COL23A1: variants seen among roughly 807,000 people sequenced by gnomAD.
The protein encoded by COL23A1 is collagen type XXIII alpha 1 chain.
Under a neutral mutation model 99.3 loss-of-function variants are expected in COL23A1, and 97 were observed. The ratio of observed to expected loss-of-function variants is 0.98; its 90% confidence interval spans 0.83 to 1.16. The LOEUF (loss-of-function observed/expected upper bound fraction) is 1.16, where lower values mean the gene tolerates loss of function less well. Ranked by LOEUF, COL23A1 falls within the 50% of genes most tolerant of loss-of-function variation. COL23A1 has a pLI of 0.00. For missense variants in COL23A1, 762 were observed against 757.4 expected, an observed-to-expected ratio of 1.01 and a Z score of -0.07; for synonymous variants, 320 against 308.2, an observed-to-expected ratio of 1.04 and a Z score of -0.40.
intron 1 of COL23A1, chr5:178,562,736 T>TGTGGGGGGGG (rs1762653681): frequency 9.4e-6 from 1 of 106,826 alleles, no homozygotes. Context: ...TGGCTGGTGG[T>TGTGGGGGGGG]GGGGGGGGTG....
intron 2 of COL23A1, among the ~76,000 whole-genome samples, chr5:178,502,158 G>A (rs1758573357): frequency 6.6e-6 from 1 of 152,182 alleles, no homozygotes; most frequent in Non-Finnish European, 1.5e-5. Context: ...TTGAGATGGA[G>A]TCTCGCTCTG....
chr5:178,359,233 A>G (rs1487724954), intron 2 of COL23A1, among the ~76,000 whole-genome samples: 1 of 152,202 alleles, frequency 6.6e-6, no homozygotes, highest in African/African-American at 2.4e-5. Context: ...GAAATAAGAT[A>G]GTGAAGGGGG....
At chr5:178,379,116 A>T (rs1399434630) in intron 2 of COL23A1, among the ~76,000 whole-genome samples, 1 of 152,176 alleles carries the variant, frequency 6.6e-6, no homozygotes, top group Non-Finnish European at 1.5e-5. Context: ...CGTCAAGCTC[A>T]AAGGGTTTGG....
intron 2 of COL23A1, among the ~76,000 whole-genome samples, chr5:178,537,984 G>A (rs565911743): frequency 2.0e-4 from 31 of 152,328 alleles, no homozygotes; most frequent in Non-Finnish European, 3.8e-4. Context: ...CACAGTATCC[G>A]TCCTGTTGTG....
intron 1 of COL23A1, among the ~76,000 whole-genome samples, chr5:178,585,669 C>T (rs74983545): frequency 0.16 from 782 of 4,866 alleles, 8 homozygotes; most frequent in Middle Eastern, 0.3. Context: ...GGTAACACTC[C>T]ACAGCCCTGG....
At position 178,338,878 on chromosome 5, in the gene COL23A1, C is replaced by T. The variant is rs555183220; in HGVS notation, c.362-31959G>A. ...AATCTGTCTAAATTACATGTAAACC[C>T]GATGAGACTATCACAGCTGAATGAA... On this transcript the variant is annotated intron_variant, in intron 2 of 28. Coordinates refer to ENST00000390654, the MANE Select transcript of COL23A1 (RefSeq NM_173465.4). 1.3e-3 allele frequency among the ~76,000 whole-genome samples: 196 copies of T among 152,274 alleles called. 6 individuals carry two copies. The South Asian group carries it at 0.036, about 28-fold the overall frequency.
chr5:178,321,375 C>T (rs1298171753), intron 2 of COL23A1, among the ~76,000 whole-genome samples: 2 of 151,734 alleles, frequency 1.3e-5, no homozygotes, highest in South Asian at 2.1e-4. Flanking sequence ...GTATCTCATA[C>T]AAGCGGAGCT....
At chr5:178,460,821 T>TA (rs999488581) in intron 2 of COL23A1, among the ~76,000 whole-genome samples, 21 of 151,976 alleles carry the variant, frequency 1.4e-4, no homozygotes, top group Non-Finnish European at 2.5e-4. Flanking sequence ...TGGACAAAAA[T>TA]AAAAAAACAA....
intron 2 of COL23A1, among the ~76,000 whole-genome samples, chr5:178,476,534 A>G (rs1757038606): frequency 6.6e-6 from 1 of 152,208 alleles, no homozygotes; most frequent in Non-Finnish European, 1.5e-5. Context: ...ATACCGCATC[A>G]TATCCACGGA....
chr5:178,438,305 A>G (rs111435802), intron 2 of COL23A1, among the ~76,000 whole-genome samples: 25 of 152,364 alleles, frequency 1.6e-4, no homozygotes, highest in African/African-American at 5.8e-4. Flanking sequence ...TACATGAGCA[A>G]GAATGCCAAA....
At chr5:178,369,905 A>G (rs1430487782) in intron 2 of COL23A1, among the ~76,000 whole-genome samples, 1 of 152,242 alleles carries the variant, frequency 6.6e-6, no homozygotes, top group East Asian at 1.9e-4. Flanking sequence ...ACAAATGACC[A>G]TGCCACGGGC....
In COL23A1 at chr5:178,495,956, GAAAT is replaced by G. The variant is rs566192584; in HGVS notation, c.361+64722_361+64725del. ...GCCCAGAGAGGGAAGTAACTTTGCT[GAAAT>G]AAGTAAGTCTATGGTAAGTGGCAGA... On this transcript the variant is annotated intron_variant, in intron 2 of 28. Transcript: ENST00000390654. Among the ~76,000 whole-genome samples the G allele has an allele frequency of 4.1e-3, 628 of 152,314 alleles. 3 individuals carry two copies. The highest frequency in any genetic ancestry group is 6.1e-3 in the Non-Finnish European group (413 of 68,026).
At chr5:178,256,491 C>G in intron 14 of COL23A1, 94 bp from the exon 15 acceptor site, 1 of 1,234,688 alleles carries the variant, frequency 8.1e-7, no homozygotes, top group Non-Finnish European at 1.1e-6. Context: ...CCCAGGAGGG[C>G]CCAGGGCCCG....
At chr5:178,239,290 G>A in intron 27 of COL23A1, 111 bp from the exon 28 acceptor site, 1 of 1,216,244 alleles carries the variant, frequency 8.2e-7, no homozygotes, top group Non-Finnish European at 1.2e-6. Flanking sequence ...GCGGCCATGT[G>A]AGACTGCTGG....
intron 2 of COL23A1, among the ~76,000 whole-genome samples, chr5:178,530,339 G>A (rs564397192): frequency 6.6e-6 from 1 of 152,232 alleles, no homozygotes; most frequent in East Asian, 1.9e-4. Flanking sequence ...GTGCGTGCCT[G>A]TAGTCCCAGC....
rs554312760 is a variant in COL23A1, at chr5:178,468,648, G to A, written c.361+92034C>T. Among the ~76,000 whole-genome samples the A allele has an allele frequency of 5.9e-5, 9 of 152,254 alleles. No homozygotes were observed. Among genetic ancestry groups the A allele is most frequent in the Non-Finnish European group, 1.3e-4 (9 of 68,020 alleles). On this transcript the variant is annotated intron_variant, in intron 2 of 28. Transcript: ENST00000390654. This position sits in a 1 kb window ranked among gnomAD's most constrained non-coding sequence, Gnocchi z 4.2. ...CAGCCTGGAGGGAAGGGCCGGGTCCGAGGTCACGGAGCCTGCAGCTCTCCT... is the reference window on the plus strand; with the variant it reads ...CAGCCTGGAGGGAAGGGCCGGGTCCAAGGTCACGGAGCCTGCAGCTCTCCT...
chr5:178,258,812 A>G (rs2127548782), intron 12 of COL23A1, among the ~76,000 whole-genome samples: 1 of 152,068 alleles, frequency 6.6e-6, no homozygotes, highest in East Asian at 1.9e-4. Flanking sequence ...CTCCCACCTC[A>G]GCCTTGGAAG....
intron 1 of COL23A1, among the ~76,000 whole-genome samples, chr5:178,582,806 C>G (rs1447712166): frequency 1.3e-5 from 2 of 152,208 alleles, no homozygotes; most frequent in African/African-American, 2.4e-5. Context: ...GAGACATCCT[C>G]TGAGAACACT....
chr5:178,369,274 C>T (rs762249125), intron 2 of COL23A1, among the ~76,000 whole-genome samples: 1 of 152,084 alleles, frequency 6.6e-6, no homozygotes, highest in Non-Finnish European at 1.5e-5. Flanking sequence ...AGTGTTCCCC[C>T]CCACACCACC....
Sources: gnomAD v4.1 joint callset for allele counts (sites outside exome capture counted in the v4.1 genomes callset) on GRCh38, gnomAD v4.1.1 for gene constraint, Gnocchi (gnomAD v3.1) non-coding constraint, MANE v1.5 for transcripts, NCBI Gene and HGNC (gene_info 2026-07-23, HGNC 2026-07-21) for gene names.